Variants in ANKRD30A observed in about 807,000 individuals in gnomAD.
ANKRD30A encodes ankyrin repeat domain-containing protein 30A.
A neutral mutation model predicts 166.3 loss-of-function variants in ANKRD30A; 170 were observed. The observed-to-expected ratio is 1.02, with a 90% CI of 0.90 to 1.16. The LOEUF (loss-of-function observed/expected upper bound fraction) is 1.16, where lower values mean the gene tolerates loss of function less well. ANKRD30A is among the 50% of genes most tolerant of loss of function. The pLI, the probability that ANKRD30A is intolerant of heterozygous loss-of-function variation, is 0.00. For missense variants in ANKRD30A, 1,630 were observed against 1,518.0 expected, an observed-to-expected ratio of 1.07 and a Z score of -1.23; for synonymous variants, 564 against 508.9, an observed-to-expected ratio of 1.11 and a Z score of -1.46.
chr10:37,225,170 TATA>T (rs1355627848), intron 34 of ANKRD30A, among the ~76,000 whole-genome samples: 2 of 151,278 alleles, frequency 1.3e-5, no homozygotes, highest in Non-Finnish European at 3.0e-5. Flanking sequence ...TATATATGGT[TATA>T]ATATCAATCC....
the ANKRD30A span, among the ~76,000 whole-genome samples, chr10:37,252,339 C>T: frequency 1.6e-3 from 237 of 152,276 alleles, 2 homozygotes; most frequent in South Asian, 8.1e-3. Flanking sequence ...GGCCTTTCAA[C>T]AGTTTTGGAG....
At chr10:37,245,190 A>G in the ANKRD30A span, among the ~76,000 whole-genome samples, 1 of 152,206 alleles carries the variant, frequency 6.6e-6, no homozygotes, top group African/African-American at 2.4e-5. Context: ...TATTTGGTAT[A>G]GTTGATCCTA....
intron 29 of ANKRD30A, among the ~76,000 whole-genome samples, chr10:37,197,748 C>CT (rs1841259588): frequency 6.6e-6 from 1 of 152,048 alleles, no homozygotes; most frequent in Non-Finnish European, 1.5e-5. Flanking sequence ...TTCTGTATTT[C>CT]TTAAAGATTC....
At chr10:37,234,496 T>C (rs566092308), downstream of ANKRD30A, among the ~76,000 whole-genome samples, 4 of 152,234 alleles carry the variant, frequency 2.6e-5, no homozygotes, top group Admixed American at 6.5e-5. Flanking sequence ...TACCTGTGTG[T>C]CTAAGACAAT....
At position 37,195,575 on chromosome 10, in the gene ANKRD30A, A is replaced by T. The variant is rs1356185425; in HGVS notation, c.2615-1706A>T. Among the ~76,000 whole-genome samples the T allele has an allele frequency of 4.6e-5, 7 of 152,284 alleles. No individual in the cohort carries two copies. In the East Asian group the frequency reaches 1.4e-3, roughly 29 times the overall value. On this transcript the variant is annotated intron_variant, in intron 27 of 35. Transcript: ENST00000361713. Reference sequence around the variant, plus strand: ...CAACCACATTACTTTAGAAAACATAAACAAAAGATAGTTACACATATTTAT... The same window carrying T: ...CAACCACATTACTTTAGAAAACATATACAAAAGATAGTTACACATATTTAT...
chr10:37,201,779 G>C (rs567607230), intron 31 of ANKRD30A, among the ~76,000 whole-genome samples: 2 of 152,144 alleles, frequency 1.3e-5, no homozygotes, highest in South Asian at 4.2e-4. Flanking sequence ...TACAGCAAAA[G>C]TATTCTGACT....
At chr10:37,229,387 T>A (rs1238747507) in intron 34 of ANKRD30A, among the ~76,000 whole-genome samples, 2 of 152,022 alleles carry the variant, frequency 1.3e-5, no homozygotes, top group Non-Finnish European at 2.9e-5. Context: ...TACACGTTTA[T>A]GGGATGTAGA....
At chr10:37,240,540 T>G in the ANKRD30A span, among the ~76,000 whole-genome samples, 1 of 152,126 alleles carries the variant, frequency 6.6e-6, no homozygotes, top group African/African-American at 2.4e-5. Context: ...GTCAATTTGG[T>G]TGTTGTCAAA....
At chr10:37,218,898 A>G in intron 33 of ANKRD30A, 82 bp from the exon 34 acceptor site, 2 of 917,006 alleles carry the variant, frequency 2.2e-6, no homozygotes, top group Non-Finnish European at 3.3e-6. Flanking sequence ...GTATAAATGT[A>G]CAAGTTATTC....
chr10:37,213,497 A>G (rs918166629), intron 31 of ANKRD30A, among the ~76,000 whole-genome samples: 1 of 151,430 alleles, frequency 6.6e-6, no homozygotes, highest in East Asian at 1.9e-4. Context: ...TCAAACCAGT[A>G]CAGATATTCA....
At chr10:37,227,424 T>C (rs572595508) in intron 34 of ANKRD30A, among the ~76,000 whole-genome samples, 3 of 151,980 alleles carry the variant, frequency 2.0e-5, no homozygotes, top group Admixed American at 2.0e-4. Context: ...TTATCCTTGC[T>C]GAAAATCAAT....
At chr10:37,198,771 A>G (rs1388509116) in intron 29 of ANKRD30A, among the ~76,000 whole-genome samples, 1 of 152,118 alleles carries the variant, frequency 6.6e-6, no homozygotes, top group Non-Finnish European at 1.5e-5. Context: ...CAGGTATACA[A>G]TTGATGGATG....
intron 27 of ANKRD30A, among the ~76,000 whole-genome samples, chr10:37,193,705 GTGTT>G (rs916773708): frequency 1.3e-5 from 2 of 151,938 alleles, no homozygotes. Flanking sequence ...AGATGACTGT[GTGTT>G]TGTGTGACTT....
In ANKRD30A at chr10:37,193,276, A is replaced by G. The variant is rs1425450995; in HGVS notation, c.2614+18A>G. On this transcript the variant is annotated intron_variant, in intron 27 of 35. Coordinates refer to ENST00000361713, the MANE Select transcript of ANKRD30A (RefSeq NM_052997.3). The stretch of plus-strand genomic sequence containing the variant: ...CAAAGCAGGTAAATTTTGTAATTTT[A>G]ATTTTACTCTGGAAAGAAGAATATT... 3 of 1,601,746 alleles carry G rather than the reference A, an allele frequency of 1.9e-6. No homozygotes were observed. Among genetic ancestry groups the G allele is most frequent in the East Asian group, 4.5e-5 (2 of 44,544 alleles).
At chr10:37,162,584 C>T in intron 15 of ANKRD30A, 65 bp from the exon 16 acceptor site, 1 of 1,585,810 alleles carries the variant, frequency 6.3e-7, no homozygotes, top group Non-Finnish European at 8.6e-7. Context: ...ACTATCACGG[C>T]ATTCATTTGT....
At chr10:37,126,149 G>T (rs1835995700) in intron 1 of ANKRD30A, 141 bp downstream of exon 1, 1 of 880,774 alleles carries the variant, frequency 1.1e-6, no homozygotes, top group South Asian at 1.6e-5. Context: ...GCCATCCTGG[G>T]CCCTCGGGTC....
At chr10:37,246,851 A>AATAGCACTTCATCATC in the ANKRD30A span, among the ~76,000 whole-genome samples, 1 of 152,164 alleles carries the variant, frequency 6.6e-6, no homozygotes, top group African/African-American at 2.4e-5. Flanking sequence ...ACTAGAGGCC[A>AATAGCACTTCATCATC]ATAGCACCTC....
intron 25 of ANKRD30A, among the ~76,000 whole-genome samples, chr10:37,192,458 G>C (rs1332494680): frequency 6.6e-6 from 1 of 151,758 alleles, no homozygotes; most frequent in African/African-American, 2.4e-5. Flanking sequence ...ATTTCTCAGA[G>C]GTACAAAAAT....
the ANKRD30A span, among the ~76,000 whole-genome samples, chr10:37,251,561 A>G: frequency 1.2e-4 from 19 of 152,154 alleles, no homozygotes; most frequent in Non-Finnish European, 2.5e-4. Context: ...TAAAGTTGCT[A>G]AAGTGGCTTC....
Sources: gnomAD v4.1 joint callset for allele counts (sites outside exome capture counted in the v4.1 genomes callset) on GRCh38, gnomAD v4.1.1 for gene constraint, MANE v1.5 for transcripts, NCBI Gene and HGNC (gene_info 2026-07-23, HGNC 2026-07-21) for gene names.